RNASEH2C: variants seen among roughly 807,000 people sequenced by gnomAD.
RNASEH2C encodes the protein RNase H1 small subunit.
RNASEH2C carries 20 observed loss-of-function variants against 16.3 expected under a neutral mutation model. The observed-to-expected ratio is 1.23, with a 90% CI of 0.86 to 1.79. The LOEUF is 1.79. Ranked by LOEUF, RNASEH2C falls within the 40% of genes most tolerant of loss-of-function variation. The probability of loss-of-function intolerance (pLI) is 0.00; values close to 1 mark genes in which losing one functional copy is unlikely to be tolerated. For missense variants in RNASEH2C, 296 were observed against 235.9 expected, an observed-to-expected ratio of 1.25 and a Z score of -1.67; for synonymous variants, 106 against 98.9, an observed-to-expected ratio of 1.07 and a Z score of -0.43.
Position 65,719,469 on chromosome 11 carries a change from C to T in RNASEH2C, c.*314G>A. 1.6e-6 allele frequency: 1 copy of T among 606,498 alleles called. No homozygotes were observed. The highest frequency in any genetic ancestry group is 2.8e-5 in the East Asian group (1 of 36,334). The allele number at this position is 606,498 out of a possible 1,614,324, so 37.6% of individuals were successfully genotyped here. A position where few individuals can be genotyped will look rare whatever the true frequency, so the allele number is the denominator to read the frequency against. On this transcript the variant is annotated 3_prime_UTR_variant, in exon 4 of 4. Coordinates refer to ENST00000308418, the MANE Select transcript of RNASEH2C (RefSeq NM_032193.4). ...GTGAGAAGGGATCCGGATGGGGGAG[C>T]TCTGTACAGAGGGCTGGTGATTGTA...
chr11:65,720,633 G>A lies in RNASEH2C; in HGVS notation c.126C>T (p.Ala42=), dbSNP rs1324205598. ...LPCEVAVDGP[A]PVGRFFTPAI... is the part of the protein sequence containing the mutation. ...CGGGCGTGAAGAAGCGCCCCACCGG[G>A]GCGGGCCCGTCCACCGCAACCTCGC... The change falls in exon 1 of 4, where the codon GCC becomes GCT. Residue 42 remains alanine (A), a synonymous_variant. Coordinates refer to ENST00000308418, the MANE Select transcript of RNASEH2C (RefSeq NM_032193.4). 9 of 1,560,358 alleles carry A rather than the reference G, an allele frequency of 5.8e-6. No individual in the cohort carries two copies. Among genetic ancestry groups the A allele is most frequent in the African/African-American group, 1.4e-5 (1 of 73,458 alleles).
chr11:65,719,032 A>G lies in RNASEH2C; in HGVS notation c.*751T>C, dbSNP rs746073066. ...TGTGGGCTGACCACCTGCTGAACCCATCTCCTCTGCCCAGGGCCAGTACAT... is the reference window on the plus strand; with the variant it reads ...TGTGGGCTGACCACCTGCTGAACCCGTCTCCTCTGCCCAGGGCCAGTACAT... On this transcript the variant is annotated 3_prime_UTR_variant, in exon 4 of 4. Coordinates refer to ENST00000308418, the MANE Select transcript of RNASEH2C (RefSeq NM_032193.4). The G allele has an allele frequency of 8.7e-6, 14 of 1,614,026 alleles. No homozygotes were observed. The highest frequency in any genetic ancestry group is 1.3e-5 in the African/African-American group (1 of 75,028).
rs1488795966 is a variant in RNASEH2C, at chr11:65,719,020, CCTG to C, written c.*760_*762del. On this transcript the variant is annotated 3_prime_UTR_variant, in exon 4 of 4. Transcript: ENST00000308418. ...AGTGCAGTCCTCTGTGGGCTGACCACCTGCTGAACCCATCTCCTCTGCCCAGGG... is the reference window on the plus strand; with the variant it reads ...AGTGCAGTCCTCTGTGGGCTGACCACCTGAACCCATCTCCTCTGCCCAGGG... 4.3e-6 allele frequency: 7 copies of C among 1,614,064 alleles called. No individual in the cohort carries two copies. The highest frequency in any genetic ancestry group is 5.1e-6 in the Non-Finnish European group (6 of 1,179,954).
In RNASEH2C at chr11:65,720,413, G is replaced by A; in HGVS notation, c.177C>T (p.Leu59=). 1.2e-6 allele frequency: 2 copies of A among 1,613,828 alleles called. No individual in the cohort carries two copies. Among genetic ancestry groups the A allele is most frequent in the Non-Finnish European group, 1.7e-6 (2 of 1,180,032 alleles). The change falls in exon 2 of 4, where the codon CTC becomes CTT. Residue 59 remains leucine, a synonymous_variant. Transcript: ENST00000308418. ...TPAIRQGPEG[L]EVSFRGRCLR... is the part of the protein sequence containing the mutation. ...GACAGCGGCCCCGAAACGACACTTC[G>A]AGTCCTGGAGCGGGAGGCGCAAAGG... is the stretch of plus-strand genomic sequence containing the variant.
chr11:65,720,469 C>T (rs780092534), intron 1 of RNASEH2C, 52 bp from the exon 2 acceptor site: 1 of 1,602,536 alleles, frequency 6.2e-7, no homozygotes, highest in East Asian at 2.2e-5. Flanking sequence ...TGGGTCGAGC[C>T]CGGAGCTGCC....
At chr11:65,720,005 C>T (rs750264508) in intron 3 of RNASEH2C, 40 bp downstream of exon 3, 36 of 1,611,014 alleles carry the variant, frequency 2.2e-5, no homozygotes, top group African/African-American at 6.7e-5. Context: ...CTCCCCAGCC[C>T]ATCCACCCGG....
intron 3 of RNASEH2C, 68 bp from the exon 4 acceptor site, chr11:65,719,877 G>T (rs773836213): frequency 6.2e-7 from 1 of 1,607,630 alleles, no homozygotes; most frequent in East Asian, 2.2e-5. Flanking sequence ...CCATACCCGA[G>T]GAAGGACCCA....
rs1168054918 is a variant in RNASEH2C, at chr11:65,719,623, G to C, written c.*160C>G. 3 of 768,342 alleles carry C rather than the reference G, an allele frequency of 3.9e-6. No individual in the cohort carries two copies. Among genetic ancestry groups the C allele is most frequent in the African/African-American group, 3.4e-5 (2 of 58,304 alleles). 47.6% of individuals were successfully genotyped at this position (768,342 alleles called of 1,614,324 possible). A position where few individuals can be genotyped will look rare whatever the true frequency, so the allele number is the denominator to read the frequency against. Reference sequence around the variant, plus strand: ...TATGCCAGAGCCATGCAAAGTTCTTGGTGGGGAGGGGGAAAGGGCCCATGC... The same window carrying C: ...TATGCCAGAGCCATGCAAAGTTCTTCGTGGGGAGGGGGAAAGGGCCCATGC... On this transcript the variant is annotated 3_prime_UTR_variant, in exon 4 of 4. Coordinates refer to ENST00000308418, the MANE Select transcript of RNASEH2C (RefSeq NM_032193.4).
At position 65,719,239 on chromosome 11, in the gene RNASEH2C, C is replaced by T; in HGVS notation, c.*544G>A. On this transcript the variant is annotated 3_prime_UTR_variant, in exon 4 of 4. Coordinates refer to ENST00000308418, the MANE Select transcript of RNASEH2C (RefSeq NM_032193.4). The stretch of plus-strand genomic sequence containing the variant: ...AGCAGGACTGGGGCTGATAGCCCAC[C>T]CCGCCCCCACTGCAGCTCCCACAAA... 1 of 1,579,406 alleles carries T rather than the reference C, an allele frequency of 6.3e-7. No homozygotes were observed. The highest frequency in any genetic ancestry group is 8.6e-7 in the Non-Finnish European group (1 of 1,159,390).
Position 65,718,690 on chromosome 11 carries a change from C to T in RNASEH2C, c.*1093G>A, listed in dbSNP as rs1247616582. 7 of 1,614,204 alleles carry T rather than the reference C, an allele frequency of 4.3e-6. No individual in the cohort carries two copies. The highest frequency in any genetic ancestry group is 5.9e-6 in the Non-Finnish European group (7 of 1,180,028). ...ATCGAAGCTACTGGTCCCAGACCAT[C>T]CTGGAGATCCTGATGGGGCTGAAGT... is the stretch of plus-strand genomic sequence containing the variant. On this transcript the variant is annotated 3_prime_UTR_variant, in exon 4 of 4. Coordinates refer to ENST00000308418, the MANE Select transcript of RNASEH2C (RefSeq NM_032193.4).
rs762014707 is a variant in RNASEH2C at position 65,718,627 on chromosome 11, C to T, written c.*1156G>A. 1.7e-5 allele frequency: 27 copies of T among 1,614,078 alleles called. No individual in the cohort carries two copies. Among genetic ancestry groups the T allele is most frequent in the Non-Finnish European group, 2.5e-6 (3 of 1,180,030 alleles). ...CCAAAGTGGAAGGGAAAACAGGGAC[C>T]CCTGAGAAGCCCCTCTCAGACCTTG... On this transcript the variant is annotated 3_prime_UTR_variant, in exon 4 of 4. Transcript: ENST00000308418.
In RNASEH2C at chr11:65,717,686, G is replaced by A. The variant is rs4645934; in HGVS notation, c.*2097C>T. On this transcript the variant is annotated 3_prime_UTR_variant, in exon 4 of 4. Coordinates refer to ENST00000308418, the MANE Select transcript of RNASEH2C (RefSeq NM_032193.4). ...ACCTGATCAAGGTTATGGTCCATTC[G>A]AGAAATTTTATTGGTTAAATGATGC... 4,692 of 152,830 alleles carry A rather than the reference G, an allele frequency of 0.031. 98 individuals are homozygous for A. The highest frequency in any genetic ancestry group is 0.046 in the Non-Finnish European group (3,184 of 68,498). The allele number at this position is 152,830 out of a possible 1,614,324, so 9.5% of individuals were successfully genotyped here. A position where few individuals can be genotyped will look rare whatever the true frequency, so the allele number is the denominator to read the frequency against.
rs374512840 is a variant in RNASEH2C at position 65,720,655 on chromosome 11, T to C, written c.104A>G (p.Glu35Gly). Residue 35 changes from glutamate (E) to glycine (G), a missense_variant, in exon 1 of 4, where the codon GAG becomes GGG. Physicochemically the swap from Glu to Gly is moderately conservative, Grantham distance 98. Coordinates refer to ENST00000308418, the MANE Select transcript of RNASEH2C (RefSeq NM_032193.4). ...VPATLHLLPC[E>G]VAVDGPAPVG... ...CGGGGCGGGCCCGTCCACCGCAACC[T>C]CGCAGGGCAGCAGATGCAGTGTGGC... The C allele has an allele frequency of 1.3e-5, 21 of 1,586,254 alleles. No individual in the cohort carries two copies. The highest frequency in any genetic ancestry group is 1.7e-5 in the Non-Finnish European group (20 of 1,169,894).
Position 65,717,789 on chromosome 11 carries a change from C to G in RNASEH2C, c.*1994G>C, listed in dbSNP as rs575287669. 2 of 152,664 alleles carry G rather than the reference C, an allele frequency of 1.3e-5. No individual in the cohort carries two copies. The highest frequency in any genetic ancestry group is 6.5e-5 in the Admixed American group (1 of 15,312). The allele number at this position is 152,664 out of a possible 1,614,324, so 9.5% of individuals were successfully genotyped here. On this transcript the variant is annotated 3_prime_UTR_variant, in exon 4 of 4. Transcript: ENST00000308418. ...CTTGAAGAAACTCAGTCTTGGAACT[C>G]AGACAGCAATGGAGACGGGATGTGA...
chr11:65,720,643 T>A lies in RNASEH2C; in HGVS notation c.116A>T (p.Asp39Val). Reference protein sequence around the residue: ...LHLLPCEVAVDGPAPVGRFFT... With the variant: ...LHLLPCEVAVVGPAPVGRFFT... ...GAAGCGCCCCACCGGGGCGGGCCCG[T>A]CCACCGCAACCTCGCAGGGCAGCAG... The change falls in exon 1 of 4, where the codon GAC becomes GTC. Residue 39 changes from aspartate (D) to valine (V), a missense_variant. Asp to Val is a radical substitution (Grantham distance 152). Coordinates refer to ENST00000308418, the MANE Select transcript of RNASEH2C (RefSeq NM_032193.4). 1 of 1,570,696 alleles carries A rather than the reference T, an allele frequency of 6.4e-7. No homozygotes were observed.
chr11:65,717,829 G>A lies in RNASEH2C; in HGVS notation c.*1954C>T, dbSNP rs1013446329. On this transcript the variant is annotated 3_prime_UTR_variant, in exon 4 of 4. Transcript: ENST00000308418. ...ACGGGATGTGAGTGGGACCAGCAAGGGGCTAAGGTCCATTATGAGGGTGAG... is the reference window on the plus strand; with the variant it reads ...ACGGGATGTGAGTGGGACCAGCAAGAGGCTAAGGTCCATTATGAGGGTGAG... The A allele has an allele frequency of 6.6e-5, 10 of 152,580 alleles. No homozygotes were observed. Among genetic ancestry groups the A allele is most frequent in the African/African-American group, 2.2e-4 (9 of 41,442 alleles). 9.5% of individuals were successfully genotyped at this position (152,580 alleles called of 1,614,324 possible). A position where few individuals can be genotyped will look rare whatever the true frequency, so the allele number is the denominator to read the frequency against.
chr11:65,719,597 A>G lies in RNASEH2C; in HGVS notation c.*186T>C, dbSNP rs1033427680. On this transcript the variant is annotated 3_prime_UTR_variant, in exon 4 of 4. Coordinates refer to ENST00000308418, the MANE Select transcript of RNASEH2C (RefSeq NM_032193.4). Reference sequence around the variant, plus strand: ...TTGCCCCCGGCAATAAATTGTTTCTATATGCCAGAGCCATGCAAAGTTCTT... The same window carrying G: ...TTGCCCCCGGCAATAAATTGTTTCTGTATGCCAGAGCCATGCAAAGTTCTT... 28 of 702,188 alleles carry G rather than the reference A, an allele frequency of 4.0e-5. No homozygotes were observed. The highest frequency in any genetic ancestry group is 3.0e-4 in the African/African-American group (17 of 55,818). The allele number at this position is 702,188 out of a possible 1,614,324, so 43.5% of individuals were successfully genotyped here.
chr11:65,719,464 G>C lies in RNASEH2C; in HGVS notation c.*319C>G, dbSNP rs1857323558. 1.7e-6 allele frequency: 1 copy of C among 604,072 alleles called. No individual in the cohort carries two copies. 37.4% of individuals were successfully genotyped at this position (604,072 alleles called of 1,614,324 possible). A position where few individuals can be genotyped will look rare whatever the true frequency, so the allele number is the denominator to read the frequency against. On this transcript the variant is annotated 3_prime_UTR_variant, in exon 4 of 4. Coordinates refer to ENST00000308418, the MANE Select transcript of RNASEH2C (RefSeq NM_032193.4). ...GTACAGTGAGAAGGGATCCGGATGG[G>C]GGAGCTCTGTACAGAGGGCTGGTGA... is the stretch of plus-strand genomic sequence containing the variant.
rs775340451 is a variant in RNASEH2C, at chr11:65,719,814, A to G, written c.469-5T>C. On this transcript the variant is annotated splice_region_variant and splice_polypyrimidine_tract_variant and intron_variant, in intron 3 of 3. Coordinates refer to ENST00000308418, the MANE Select transcript of RNASEH2C (RefSeq NM_032193.4). The stretch of plus-strand genomic sequence containing the variant: ...CTCGGGCACCTGTGCGTGAATCTGC[A>G]ACAGGAGTCGCCTCTACTGTTGGAC... 2 of 1,614,122 alleles carry G rather than the reference A, an allele frequency of 1.2e-6. No homozygotes were observed. The highest frequency in any genetic ancestry group is 2.2e-5 in the South Asian group (2 of 91,080).
Sources: gnomAD v4.1 joint callset for allele counts on GRCh38, gnomAD v4.1.1 for gene constraint, MANE v1.5 for transcripts, NCBI Gene and HGNC (gene_info 2026-07-23, HGNC 2026-07-21) for gene names.